Variants in HHIPL1 observed in about 807,000 individuals in gnomAD.
HHIPL1 encodes the protein HHIP-like protein 1.
A neutral mutation model predicts 61.8 loss-of-function variants in HHIPL1; 43 were observed. The ratio of observed to expected loss-of-function variants is 0.70; its 90% CI spans 0.55 to 0.90. The LOEUF (loss-of-function observed/expected upper bound fraction) is 0.90, where lower values mean the gene tolerates loss of function less well. Ranked by LOEUF, HHIPL1 falls within the 40% of genes least tolerant of loss-of-function variation. HHIPL1 has a pLI of 0.00. For synonymous variants in HHIPL1, 482 were observed against 515.8 expected, an observed-to-expected ratio of 0.93 and a Z score of 0.89; for missense variants, 1,056 against 1,157.7, an observed-to-expected ratio of 0.91 and a Z score of 1.28.
At chr14:99,649,358 A>G (rs1309359838) in intron 1 of HHIPL1, among the ~76,000 whole-genome samples, 2 of 152,208 alleles carry the variant, frequency 1.3e-5, no homozygotes, top group Admixed American at 6.5e-5. Flanking sequence ...ATCTCTGCTC[A>G]GTAAATTCTT....
Position 99,678,175 on chromosome 14 carries a change from C to T in HHIPL1, c.*2549C>T, listed in dbSNP as rs2056408780. On this transcript the variant is annotated 3_prime_UTR_variant, in exon 9 of 9. Coordinates refer to ENST00000330710, the MANE Select transcript of HHIPL1 (RefSeq NM_001127258.3). ...ACTGCTGATCTGGCAGGAGGCAGAG[C>T]TCAGGTGGGAATGCTTGCTCCCCAC... 6.6e-6 allele frequency: 1 copy of T among 152,266 alleles called. No individual in the cohort carries two copies. The highest frequency in any genetic ancestry group is 6.5e-5 in the Admixed American group (1 of 15,276). 9.4% of individuals were successfully genotyped at this position (152,266 alleles called of 1,614,324 possible).
chr14:99,651,691 A>G (rs1000979952), intron 1 of HHIPL1, among the ~76,000 whole-genome samples: 1 of 152,204 alleles, frequency 6.6e-6, no homozygotes, highest in Non-Finnish European at 1.5e-5. Flanking sequence ...GAAGGTAGAC[A>G]GGAGGCTGGA....
At chr14:99,604,639 G>C in the HHIPL1 span, 1 of 152,196 alleles carries the variant, frequency 6.6e-6, no homozygotes, top group Non-Finnish European at 1.5e-5. Flanking sequence ...GAGGGGGACG[G>C]TGGGAAAGGT....
chr14:99,654,212 A>G (rs1250697495), intron 2 of HHIPL1, among the ~76,000 whole-genome samples: 3 of 151,908 alleles, frequency 2.0e-5, no homozygotes, highest in Non-Finnish European at 2.9e-5. Flanking sequence ...AAAAAAAGAA[A>G]AAAGAAAAAA....
At position 99,675,239 on chromosome 14, in the gene HHIPL1, C is replaced by T. The variant is rs2056374535; in HGVS notation, c.1962C>T (p.Gly654=). The T allele has an allele frequency of 1.6e-6, 2 of 1,215,570 alleles. No individual in the cohort carries two copies. The highest frequency in any genetic ancestry group is 6.8e-5 in the East Asian group (2 of 29,440). 75.3% of individuals were successfully genotyped at this position (1,215,570 alleles called of 1,614,324 possible). The change falls in exon 9 of 9, where the codon GGC becomes GGT. Residue 654 remains glycine (G), a synonymous_variant. Transcript: ENST00000330710. This position sits in a 1 kb window ranked among gnomAD's most constrained non-coding sequence, Gnocchi z 5.4. The part of the protein sequence containing the change: ...PTQQPGSRRG[G]GRRRGRLNSA... The stretch of plus-strand genomic sequence containing the variant: ...AGCAGCCAGGGAGCCGGAGGGGCGG[C>T]GGGCGGCGGCGGGGGCGGCTGAACT...
At chr14:99,619,557 G>A in the HHIPL1 span, among the ~76,000 whole-genome samples, 2 of 152,060 alleles carry the variant, frequency 1.3e-5, no homozygotes, top group Middle Eastern at 3.2e-3. Context: ...ATAAGACTCA[G>A]TGGGATACTT....
chr14:99,610,289 G>A, the HHIPL1 span, among the ~76,000 whole-genome samples: 1 of 152,152 alleles, frequency 6.6e-6, no homozygotes, highest in Non-Finnish European at 1.5e-5. Context: ...AGAACACTGA[G>A]AAGCATATGC....
chr14:99,662,750 G>A, intron 5 of HHIPL1, 126 bp from the exon 6 acceptor site: 1 of 873,590 alleles, frequency 1.1e-6, no homozygotes, highest in Non-Finnish European at 1.8e-6. Flanking sequence ...ATGGATGGTG[G>A]AAGGATGGAG....
chr14:99,659,848 C>CCCCCCT (rs2056118502), intron 4 of HHIPL1, 92 bp downstream of exon 4: 1 of 442,854 alleles, frequency 2.3e-6, no homozygotes, highest in Non-Finnish European at 3.3e-6. Context: ...GAGACCGCAC[C>CCCCCCT]CCCCCCCCCC....
chr14:99,629,395 T>TA, the HHIPL1 span, among the ~76,000 whole-genome samples: 108 of 152,248 alleles, frequency 7.1e-4, no homozygotes, highest in African/African-American at 2.3e-3. Flanking sequence ...GAAGATTACA[T>TA]AAGAGACTGG....
rs1419670882 is a variant in HHIPL1, at chr14:99,678,176, T to G, written c.*2550T>G. ...CTGCTGATCTGGCAGGAGGCAGAGCTCAGGTGGGAATGCTTGCTCCCCACA... is the reference window on the plus strand; with the variant it reads ...CTGCTGATCTGGCAGGAGGCAGAGCGCAGGTGGGAATGCTTGCTCCCCACA... On this transcript the variant is annotated 3_prime_UTR_variant, in exon 9 of 9. Transcript: ENST00000330710. The G allele has an allele frequency of 6.6e-6, 1 of 152,226 alleles. No individual in the cohort carries two copies. The highest frequency in any genetic ancestry group is 1.5e-5 in the Non-Finnish European group (1 of 68,116). The allele number at this position is 152,226 out of a possible 1,614,324, so 9.4% of individuals were successfully genotyped here. A position where few individuals can be genotyped will look rare whatever the true frequency, so the allele number is the denominator to read the frequency against.
At chr14:99,608,728 C>T in the HHIPL1 span, among the ~76,000 whole-genome samples, 2 of 152,354 alleles carry the variant, frequency 1.3e-5, no homozygotes, top group East Asian at 3.9e-4. Context: ...AGGTACCCAG[C>T]ACTGTGCTAG....
the HHIPL1 span, among the ~76,000 whole-genome samples, chr14:99,620,849 G>A: frequency 6.6e-6 from 1 of 152,234 alleles, no homozygotes; most frequent in Non-Finnish European, 1.5e-5. Context: ...ACCCTCTGAA[G>A]GAGCAGCAGG....
chr14:99,629,145 G>A, the HHIPL1 span, among the ~76,000 whole-genome samples: 1 of 152,178 alleles, frequency 6.6e-6, no homozygotes, highest in Admixed American at 6.5e-5. Context: ...CTGGGTGCCA[G>A]GCCAGGGAAA....
In HHIPL1 at chr14:99,652,802, G is replaced by A; in HGVS notation, c.834G>A (p.Glu278=). 6.2e-7 allele frequency: 1 copy of A among 1,614,152 alleles called. No homozygotes were observed. Among genetic ancestry groups the A allele is most frequent in the Non-Finnish European group, 8.5e-7 (1 of 1,180,044 alleles). The change falls in exon 2 of 9, where the codon GAG becomes GAA. Residue 278 remains glutamate, a synonymous_variant. Transcript: ENST00000330710. ...ACTCAGTGGGTATCCGCAGCAGTGAGTGGATCCGCATCAGCGAGTTCAGAG... is the reference window on the plus strand; with the variant it reads ...ACTCAGTGGGTATCCGCAGCAGTGAATGGATCCGCATCAGCGAGTTCAGAG... ...VYYSVGIRSS[E]WIRISEFRVS...
the HHIPL1 span, among the ~76,000 whole-genome samples, chr14:99,639,912 G>A: frequency 7.3e-5 from 11 of 150,962 alleles, no homozygotes; most frequent in South Asian, 2.1e-4. Context: ...CTCCCACATC[G>A]GCCTCCCAAA....
chr14:99,604,643 GA>G, the HHIPL1 span: 1 of 152,282 alleles, frequency 6.6e-6, no homozygotes. Context: ...GGGACGGTGG[GA>G]AAGGTAGGGC....
At chr14:99,664,165 G>T (rs1566814484) in intron 6 of HHIPL1, among the ~76,000 whole-genome samples, 1 of 152,152 alleles carries the variant, frequency 6.6e-6, no homozygotes. Flanking sequence ...GGCCCCCAGT[G>T]GGCCCTAATG....
the HHIPL1 span, among the ~76,000 whole-genome samples, chr14:99,609,222 T>A: frequency 6.6e-6 from 1 of 152,160 alleles, no homozygotes; most frequent in African/African-American, 2.4e-5. Context: ...ACTGTCTGGG[T>A]GGGTGACCCT....
Sources: gnomAD v4.1 joint callset for allele counts (sites outside exome capture counted in the v4.1 genomes callset) on GRCh38, gnomAD v4.1.1 for gene constraint, Gnocchi (gnomAD v3.1) non-coding constraint, MANE v1.5 for transcripts, NCBI Gene and HGNC (gene_info 2026-07-23, HGNC 2026-07-21) for gene names.